Variants in SCFD2 observed in about 807,000 individuals in gnomAD.
SCFD2 encodes the protein sec1 family domain-containing protein 2.
In SCFD2, 54 loss-of-function variants were observed where a neutral mutation model predicts 58.9. The ratio of observed to expected loss-of-function variants is 0.92; its 90% confidence interval spans 0.74 to 1.15. The LOEUF (loss-of-function observed/expected upper bound fraction) is 1.15, where lower values mean the gene tolerates loss of function less well. Ranked by LOEUF, SCFD2 falls within the 50% of genes most tolerant of loss-of-function variation. The probability of loss-of-function intolerance (pLI) is 0.00; values close to 1 mark genes in which losing one functional copy is unlikely to be tolerated. For synonymous variants in SCFD2, 321 were observed against 335.9 expected (o/e 0.96, Z 0.49); for missense variants, 805 against 836.6 (o/e 0.96, Z 0.47).
At chr4:52,992,341 C>T (rs1478814948) in intron 5 of SCFD2, among the ~76,000 whole-genome samples, 1 of 152,236 alleles carries the variant, frequency 6.6e-6, no homozygotes, top group Non-Finnish European at 1.5e-5. Flanking sequence ...CAATGTTGCC[C>T]AGGCTGGAGT....
chr4:53,281,856 T>C (rs1458106833), intron 3 of SCFD2, among the ~76,000 whole-genome samples: 1 of 152,240 alleles, frequency 6.6e-6, no homozygotes, highest in African/African-American at 2.4e-5. Flanking sequence ...CCCTTCTCTT[T>C]ATTTCTTCTT....
chr4:52,894,586 T>C (rs78083091), intron 7 of SCFD2, among the ~76,000 whole-genome samples: 10 of 152,220 alleles, frequency 6.6e-5, no homozygotes, highest in African/African-American at 2.2e-4. Context: ...AGGTATTCCA[T>C]GCACAAGGAT....
intron 7 of SCFD2, among the ~76,000 whole-genome samples, chr4:52,886,384 C>A (rs1169813248): frequency 1.3e-5 from 2 of 152,226 alleles, no homozygotes; most frequent in African/African-American, 2.4e-5. Flanking sequence ...CAATAAAATT[C>A]TTCTCCACGC....
intron 5 of SCFD2, among the ~76,000 whole-genome samples, chr4:53,121,941 T>TC (rs996340576): frequency 2.6e-5 from 4 of 152,162 alleles, no homozygotes; most frequent in African/African-American, 4.8e-5. Context: ...TTGTTTTTTT[T>TC]CCCCCAAAGT....
At chr4:53,171,723 G>A (rs1417317781) in intron 4 of SCFD2, among the ~76,000 whole-genome samples, 2 of 151,936 alleles carry the variant, frequency 1.3e-5, no homozygotes, top group Non-Finnish European at 2.9e-5. Flanking sequence ...CATGATAGTA[G>A]GTTGTATGTG....
At chr4:53,331,853 G>T (rs1025995335) in intron 2 of SCFD2, among the ~76,000 whole-genome samples, 21 of 151,998 alleles carry the variant, frequency 1.4e-4, no homozygotes, top group African/African-American at 5.1e-4. Flanking sequence ...CCGCTAGCAA[G>T]ACTAATAAAG....
chr4:53,253,750 GA>G (rs1730490116), intron 4 of SCFD2, among the ~76,000 whole-genome samples: 1 of 96,122 alleles, frequency 1.0e-5, no homozygotes, highest in Non-Finnish European at 1.9e-5. Context: ...GGGGTGGGGG[GA>G]GGGGGGAGGG....
intron 4 of SCFD2, among the ~76,000 whole-genome samples, chr4:53,181,483 T>C (rs1401799804): frequency 6.6e-6 from 1 of 152,112 alleles, no homozygotes; most frequent in African/African-American, 2.4e-5. Context: ...TCTCAATAAA[T>C]TAGGTATGGA....
intron 4 of SCFD2, among the ~76,000 whole-genome samples, chr4:53,238,327 T>A (rs531628769): frequency 1.8e-4 from 7 of 39,644 alleles, no homozygotes; most frequent in East Asian, 2.3e-3. Flanking sequence ...ACCTCCCTCC[T>A]GGACGGGGCG....
At chr4:53,281,150 CT>C (rs568038439) in intron 3 of SCFD2, among the ~76,000 whole-genome samples, 2 of 152,308 alleles carry the variant, frequency 1.3e-5, no homozygotes, top group South Asian at 4.1e-4. Context: ...CGTCTTATAC[CT>C]TCCAACAAGC....
chr4:52,890,444 T>C (rs2109452214), intron 7 of SCFD2, among the ~76,000 whole-genome samples: 1 of 152,340 alleles, frequency 6.6e-6, no homozygotes, highest in Non-Finnish European at 1.5e-5. Context: ...ACCAGACTTT[T>C]CTTGTGGAGC....
intron 4 of SCFD2, among the ~76,000 whole-genome samples, chr4:53,158,648 T>C (rs900198013): frequency 7.9e-5 from 12 of 152,146 alleles, no homozygotes; most frequent in Admixed American, 7.9e-4. Context: ...ACAATATATC[T>C]CACTCTAAAA....
chr4:52,989,612 C>G (rs1467847618), intron 5 of SCFD2, among the ~76,000 whole-genome samples: 2 of 152,146 alleles, frequency 1.3e-5, no homozygotes, highest in African/African-American at 2.4e-5. Flanking sequence ...CAGACAAAAC[C>G]TTTGCTCCCT....
intron 5 of SCFD2, among the ~76,000 whole-genome samples, chr4:52,991,418 C>A (rs983240017): frequency 3.2e-4 from 49 of 152,250 alleles, no homozygotes; most frequent in Non-Finnish European, 5.3e-4. Context: ...GCCCTTCCAC[C>A]TTAGGAGGAG....
At chr4:53,305,692 C>A (rs1420786060) in intron 3 of SCFD2, among the ~76,000 whole-genome samples, 1 of 152,088 alleles carries the variant, frequency 6.6e-6, no homozygotes, top group African/African-American at 2.4e-5. Context: ...TCCTTGCTTT[C>A]TTTTCTAACA....
intron 2 of SCFD2, 114 bp from the exon 3 acceptor site, chr4:53,313,877 A>AC: frequency 1.2e-6 from 1 of 840,330 alleles, no homozygotes; most frequent in Non-Finnish European, 1.9e-6. Flanking sequence ...AGTCTTTCCT[A>AC]CTGATAGACT....
At chr4:53,166,961 T>A (rs1027856396) in intron 4 of SCFD2, among the ~76,000 whole-genome samples, 1 of 152,152 alleles carries the variant, frequency 6.6e-6, no homozygotes, top group African/African-American at 2.4e-5. Flanking sequence ...AGAGGACCTG[T>A]GATTTCATTA....
intron 5 of SCFD2, among the ~76,000 whole-genome samples, chr4:52,993,941 G>A (rs567365591): frequency 3.3e-5 from 5 of 152,360 alleles, no homozygotes; most frequent in South Asian, 2.1e-4. Flanking sequence ...GCAGTGCCAC[G>A]GCAAGGGAAA....
chr4:52,971,366 G>A (rs896792770), intron 5 of SCFD2, among the ~76,000 whole-genome samples: 3 of 152,320 alleles, frequency 2.0e-5, no homozygotes, highest in Admixed American at 6.5e-5. Context: ...ACTACATGAC[G>A]AATGCACAAG....
Sources: gnomAD v4.1 joint callset for allele counts (sites outside exome capture counted in the v4.1 genomes callset) on GRCh38, gnomAD v4.1.1 for gene constraint, MANE v1.5 for transcripts, NCBI Gene and HGNC (gene_info 2026-07-23, HGNC 2026-07-21) for gene names.